ARB2A: variants seen among roughly 807,000 people sequenced by gnomAD.
The protein encoded by ARB2A is ARB2 cotranscriptional regulator A, also known as cotranscriptional regulator ARB2A.
the ARB2A span, among the ~76,000 whole-genome samples, chr5:93,729,456 G>A: frequency 2.0e-5 from 3 of 152,100 alleles, no homozygotes. Context: ...AAAATCAGGA[G>A]TTGGTTTGGG....
At chr5:93,857,160 T>C in the ARB2A span, among the ~76,000 whole-genome samples, 1 of 152,030 alleles carries the variant, frequency 6.6e-6, no homozygotes, top group African/African-American at 2.4e-5. Flanking sequence ...CTCAGAGGAG[T>C]ACCCGGCTGT....
chr5:93,730,371 T>C, the ARB2A span, among the ~76,000 whole-genome samples: 416 of 152,080 alleles, frequency 2.7e-3, 1 homozygote, highest in Non-Finnish European at 4.6e-3. Flanking sequence ...GTCTTTTTTT[T>C]CCCCCATCTC....
chr5:93,646,566 T>A, the ARB2A span, among the ~76,000 whole-genome samples: 1 of 152,086 alleles, frequency 6.6e-6, no homozygotes, highest in Admixed American at 6.5e-5. Context: ...TCAGCCAATA[T>A]TTTTTTCCAT....
At chr5:93,995,055 C>T in the ARB2A span, among the ~76,000 whole-genome samples, 2 of 152,024 alleles carry the variant, frequency 1.3e-5, no homozygotes, top group African/African-American at 4.8e-5. Flanking sequence ...ACTTACCACA[C>T]AAATACAGAA....
chr5:94,051,074 C>T, the ARB2A span, among the ~76,000 whole-genome samples: 1 of 152,092 alleles, frequency 6.6e-6, no homozygotes, highest in Admixed American at 6.5e-5. Flanking sequence ...CTAAAGCAAA[C>T]TAACAATATT....
At chr5:93,918,659 C>T in the ARB2A span, among the ~76,000 whole-genome samples, 13 of 151,992 alleles carry the variant, frequency 8.6e-5, no homozygotes, top group Admixed American at 2.6e-4. Context: ...TGACCTTGGG[C>T]GATCTGCCCG....
chr5:94,047,767 C>T, the ARB2A span, among the ~76,000 whole-genome samples: 38 of 152,020 alleles, frequency 2.5e-4, no homozygotes, highest in Admixed American at 6.5e-4. Context: ...ATGGAATTAC[C>T]TAAAAAGACA....
the ARB2A span, among the ~76,000 whole-genome samples, chr5:94,080,548 G>A: frequency 6.6e-6 from 1 of 152,204 alleles, no homozygotes; most frequent in Non-Finnish European, 1.5e-5. Context: ...CAGCTAGAGA[G>A]TGCAGTTAGC....
chr5:93,776,900 T>C, the ARB2A span, among the ~76,000 whole-genome samples: 1 of 151,966 alleles, frequency 6.6e-6, no homozygotes, highest in Non-Finnish European at 1.5e-5. Context: ...TAAGGGAAAA[T>C]AAAAAAGTAT....
At chr5:93,977,716 T>C in the ARB2A span, among the ~76,000 whole-genome samples, 4 of 152,096 alleles carry the variant, frequency 2.6e-5, no homozygotes, top group Non-Finnish European at 5.9e-5. Context: ...GCAAAGAATT[T>C]ATGACAAAGT....
At chr5:93,797,041 T>C in the ARB2A span, among the ~76,000 whole-genome samples, 1 of 152,154 alleles carries the variant, frequency 6.6e-6, no homozygotes, top group African/African-American at 2.4e-5. Context: ...TGAGTTGATA[T>C]ACTAGTGAAC....
chr5:93,683,049 G>T, the ARB2A span: 3 of 1,561,204 alleles, frequency 1.9e-6, no homozygotes, highest in Non-Finnish European at 2.6e-6. Flanking sequence ...AAGGATTCTT[G>T]TCCTTTTGAT....
At chr5:93,875,411 T>C in the ARB2A span, among the ~76,000 whole-genome samples, 1 of 152,092 alleles carries the variant, frequency 6.6e-6, no homozygotes, top group Non-Finnish European at 1.5e-5. Flanking sequence ...TTTGTATTTT[T>C]AGTAGTGACA....
the ARB2A span, among the ~76,000 whole-genome samples, chr5:93,993,341 T>C: frequency 6.6e-6 from 1 of 152,118 alleles, no homozygotes; most frequent in African/African-American, 2.4e-5. Flanking sequence ...TCTAACTATA[T>C]GCAATCCCAT....
the ARB2A span, among the ~76,000 whole-genome samples, chr5:94,056,939 C>T: frequency 6.6e-6 from 1 of 152,192 alleles, no homozygotes; most frequent in Non-Finnish European, 1.5e-5. Context: ...CAGATTCCCT[C>T]CTCAATTTGT....
chr5:93,905,069 C>A, the ARB2A span, among the ~76,000 whole-genome samples: 46 of 151,850 alleles, frequency 3.0e-4, no homozygotes, highest in Middle Eastern at 3.4e-3. Context: ...TACCCAAGCT[C>A]TGTCCTACGA....
chr5:93,630,424 T>C, the ARB2A span, among the ~76,000 whole-genome samples: 2 of 152,156 alleles, frequency 1.3e-5, no homozygotes, highest in Admixed American at 6.5e-5. Flanking sequence ...CCCTTTAAAG[T>C]TGAGATTGTA....
chr5:93,686,770 A>G, the ARB2A span, among the ~76,000 whole-genome samples: 1 of 152,104 alleles, frequency 6.6e-6, no homozygotes, highest in Non-Finnish European at 1.5e-5. Context: ...ATCATCATCA[A>G]CCACAACTCA....
the ARB2A span, among the ~76,000 whole-genome samples, chr5:94,004,627 G>A: frequency 1.1e-4 from 16 of 151,476 alleles, no homozygotes; most frequent in African/African-American, 3.9e-4. Flanking sequence ...AACCTGTTAA[G>A]AGGAGAAAAG....
Sources: allele counts gnomAD v4.1 joint callset (sites outside exome capture counted in the v4.1 genomes callset), GRCh38; gene constraint gnomAD v4.1.1; transcripts MANE v1.5; gene names NCBI Gene and HGNC (gene_info 2026-07-23, HGNC 2026-07-21).